Variants in GSN observed in about 807,000 individuals in gnomAD.
GSN encodes the protein actin-depolymerizing factor.
GSN carries 56 observed loss-of-function variants against 85.7 expected under a neutral mutation model. The observed-to-expected ratio is 0.65, with a 90% CI of 0.53 to 0.82. GSN has a LOEUF of 0.82. Ranked by LOEUF, GSN falls within the 40% of genes least tolerant of loss-of-function variation. The pLI, the probability that GSN is intolerant of heterozygous loss-of-function variation, is 0.00. For missense variants in GSN, 857 were observed against 979.8 expected, an observed-to-expected ratio of 0.87 and a Z score of 1.67; for synonymous variants, 373 against 399.1, an observed-to-expected ratio of 0.93 and a Z score of 0.78.
intron 1 of GSN, among the ~76,000 whole-genome samples, chr9:121,270,823 G>C (rs916486319): frequency 2.6e-5 from 4 of 152,042 alleles, no homozygotes; most frequent in African/African-American, 9.7e-5. Context: ...ATTTCTGCTT[G>C]GTCTATGGTA....
intron 7 of GSN, 79 bp from the exon 8 acceptor site, chr9:121,317,002 GGGGGT>G: frequency 6.4e-7 from 1 of 1,571,932 alleles, no homozygotes; most frequent in African/African-American, 1.3e-5. Context: ...ATTTGGGACA[GGGGGT>G]GGGGCAAGAT....
intron 4 of GSN, among the ~76,000 whole-genome samples, chr9:121,216,109 G>T (rs926175827): frequency 2.0e-5 from 3 of 152,000 alleles, no homozygotes; most frequent in African/African-American, 7.3e-5. Flanking sequence ...CAGCAGGCCT[G>T]GCTAATTTTT....
chr9:121,313,973 G>C lies in GSN; in HGVS notation c.703G>C (p.Asp235His). Residue 235 changes from aspartate (D) to histidine (H), a missense_variant, in exon 7 of 18, where the codon GAC becomes CAC. Physicochemically the swap from Asp to His is moderately conservative, Grantham distance 81. Coordinates refer to ENST00000432226, the MANE Select transcript of GSN (RefSeq NM_198252.3). ...GCCGGCTCTGCCTGCAGGTACCGAG[G>C]ACACCGCCAAGGAGGATGCGGCCAA... ...PKPALPAGTE[D>H]TAKEDAANRK... 6.2e-7 allele frequency: 1 copy of C among 1,614,238 alleles called. No homozygotes were observed. Among genetic ancestry groups the C allele is most frequent in the Non-Finnish European group, 8.5e-7 (1 of 1,180,030 alleles).
chr9:121,258,852 G>T (rs928207962), intron 6 of GSN, among the ~76,000 whole-genome samples: 3 of 152,052 alleles, frequency 2.0e-5, no homozygotes, highest in Admixed American at 2.0e-4. Flanking sequence ...TTCTTTATTT[G>T]ATCATCTGTT....
chr9:121,311,030 T>G, intron 5 of GSN, 185 bp downstream of exon 5: 2 of 627,842 alleles, frequency 3.2e-6, no homozygotes, highest in Non-Finnish European at 5.7e-6. Context: ...ACCACGGGTA[T>G]AGTGCGTACT....
chr9:121,253,984 TTC>T (rs1411165368), intron 6 of GSN, among the ~76,000 whole-genome samples: 1 of 152,334 alleles, frequency 6.6e-6, no homozygotes, highest in Middle Eastern at 3.4e-3. Flanking sequence ...GAGAAAATTC[TTC>T]TTTCTCCTTT....
intron 5 of GSN, among the ~76,000 whole-genome samples, chr9:121,232,702 A>G (rs2054416493): frequency 6.6e-6 from 1 of 152,232 alleles, no homozygotes; most frequent in African/African-American, 2.4e-5. Flanking sequence ...AAGAAAATAA[A>G]AAGTATTTGT....
At chr9:121,268,515 C>T (rs1426309305) in intron 1 of GSN, among the ~76,000 whole-genome samples, 2 of 152,140 alleles carry the variant, frequency 1.3e-5, no homozygotes, top group African/African-American at 2.4e-5. Context: ...TCGACCCCGC[C>T]CCCGGGATGG....
intron 5 of GSN, among the ~76,000 whole-genome samples, chr9:121,231,688 C>T (rs1004375378): frequency 1.3e-5 from 2 of 151,934 alleles, no homozygotes; most frequent in African/African-American, 4.8e-5. Flanking sequence ...TATGAGCTCT[C>T]GTGGTGATGT....
At chr9:121,301,779 T>C (rs2059889246) in intron 2 of GSN, 184 bp from the exon 3 acceptor site, 1 of 843,066 alleles carries the variant, frequency 1.2e-6, no homozygotes, top group Admixed American at 2.1e-5. Flanking sequence ...AGCATAAAAC[T>C]CTTGCCCTGT....
At chr9:121,306,841 GTTAA>G (rs71508132) in intron 4 of GSN, among the ~76,000 whole-genome samples, 3,212 of 152,298 alleles carry the variant, frequency 0.021, 73 homozygotes, top group Middle Eastern at 0.051. Context: ...AATTAGAGGA[GTTAA>G]TTAATCAGGC....
chr9:121,310,733 T>G lies in GSN; in HGVS notation c.401T>G (p.Val134Gly), dbSNP rs1348987724. ...AAGCACGTGGTACCCAACGAGGTGG[T>G]GGTGCAGAGACTCTTCCAGGTCAAA... ...GFKHVVPNEV[V>G]VQRLFQVKGR... The change falls in exon 5 of 18, where the codon GTG becomes GGG. Residue 134 changes from valine to glycine, a missense_variant. Transcript: ENST00000432226. 2 of 1,614,076 alleles carry G rather than the reference T, an allele frequency of 1.2e-6. No homozygotes were observed. Among genetic ancestry groups the G allele is most frequent in the Non-Finnish European group, 1.7e-6 (2 of 1,179,984 alleles).
intron 1 of GSN, among the ~76,000 whole-genome samples, chr9:121,208,331 GA>G (rs1213078101): frequency 1.3e-5 from 2 of 152,094 alleles, no homozygotes; most frequent in Non-Finnish European, 2.9e-5. Flanking sequence ...CCAGAGCCCT[GA>G]ACCCCTTCCC....
intron 4 of GSN, among the ~76,000 whole-genome samples, chr9:121,223,184 C>T (rs1588425696): frequency 6.6e-6 from 1 of 152,182 alleles, no homozygotes; most frequent in Non-Finnish European, 1.5e-5. Context: ...CAGGAAGCTA[C>T]TAATCACCGG....
At chr9:121,275,165 A>C (rs527906225) in intron 1 of GSN, among the ~76,000 whole-genome samples, 1 of 152,326 alleles carries the variant, frequency 6.6e-6, no homozygotes, top group East Asian at 1.9e-4. Flanking sequence ...TGGCAAATAC[A>C]CTTGCACAAT....
chr9:121,227,350 C>T (rs1296376408), intron 4 of GSN, among the ~76,000 whole-genome samples: 2 of 151,640 alleles, frequency 1.3e-5, no homozygotes, highest in East Asian at 1.9e-4. Flanking sequence ...GCCGAGGTGG[C>T]GCCACTGCCC....
chr9:121,301,991 A>C lies in GSN; in HGVS notation c.20A>C (p.Glu7Ala). 2.5e-6 allele frequency: 4 copies of C among 1,614,180 alleles called. No homozygotes were observed. Among genetic ancestry groups the C allele is most frequent in the Non-Finnish European group, 3.4e-6 (4 of 1,179,984 alleles). The change falls in exon 3 of 18, where the codon GAG (glutamate) becomes GCG (alanine). Residue 7 changes from glutamate to alanine, a missense_variant. Glu to Ala is a moderately radical substitution (Grantham distance 107, BLOSUM62 -1). Coordinates refer to ENST00000432226, the MANE Select transcript of GSN (RefSeq NM_198252.3). MVVEHP[E>A]FLKAGKEPGL... ...AACAGCATGGTGGTGGAACACCCCG[A>C]GTTCCTCAAGGCAGGGAAGGAGCCT...
At chr9:121,218,416 C>G (rs766196775) in intron 4 of GSN, among the ~76,000 whole-genome samples, 1 of 152,104 alleles carries the variant, frequency 6.6e-6, no homozygotes, top group Non-Finnish European at 1.5e-5. Flanking sequence ...AGGTGGATCA[C>G]TGGAGGTCAG....
intron 2 of GSN, among the ~76,000 whole-genome samples, chr9:121,286,422 C>A (rs978940006): frequency 6.6e-6 from 1 of 152,264 alleles, no homozygotes; most frequent in African/African-American, 2.4e-5. Context: ...CTGTCTCAAC[C>A]CCAGCCATGC....
Sources: allele counts gnomAD v4.1 joint callset (sites outside exome capture counted in the v4.1 genomes callset), GRCh38; gene constraint gnomAD v4.1.1; transcripts MANE v1.5; gene names NCBI Gene and HGNC (gene_info 2026-07-23, HGNC 2026-07-21).